Variants in ASF1B observed in about 807,000 individuals in gnomAD.
ASF1B encodes histone chaperone ASF1B.
Under a neutral mutation model 16.6 loss-of-function variants are expected in ASF1B, and 10 were observed. The observed-to-expected ratio is 0.60, with a 90% confidence interval of 0.37 to 1.02. The LOEUF is 1.02. Ranked by LOEUF, ASF1B falls within the 50% of genes least tolerant of loss-of-function variation. ASF1B has a pLI of 0.01. For synonymous variants in ASF1B, 101 were observed against 106.2 expected (o/e 0.95, Z 0.30); for missense variants, 240 against 266.0 (o/e 0.90, Z 0.68).
Position 14,120,381 on chromosome 19 carries a change from T to C in ASF1B, c.*78A>G. 1 of 1,461,716 alleles carries C rather than the reference T, an allele frequency of 6.8e-7. No homozygotes were observed. 90.5% of individuals were successfully genotyped at this position (1,461,716 alleles called of 1,614,324 possible). On this transcript the variant is annotated 3_prime_UTR_variant, in exon 4 of 4. Coordinates refer to ENST00000263382, the MANE Select transcript of ASF1B (RefSeq NM_018154.3). The stretch of plus-strand genomic sequence containing the variant: ...TTGCAGCTGATGGCCCCCAAAGTCC[T>C]CTAGATGGGCCCTGCAGGACTCGCT...
chr19:14,129,631 A>C (rs898132675), intron 1 of ASF1B, among the ~76,000 whole-genome samples: 1 of 127,904 alleles, frequency 7.8e-6, no homozygotes, highest in African/African-American at 2.9e-5. Context: ...CAGTGAGCCG[A>C]GATTTTGCCA....
chr19:14,135,700 G>A (rs1268675132), intron 1 of ASF1B, among the ~76,000 whole-genome samples: 1 of 152,148 alleles, frequency 6.6e-6, no homozygotes, highest in Non-Finnish European at 1.5e-5. Flanking sequence ...GGCAAGGAGA[G>A]AGGAGCTTGG....
chr19:14,133,873 G>A (rs570120132), intron 1 of ASF1B, among the ~76,000 whole-genome samples: 7 of 134,026 alleles, frequency 5.2e-5, no homozygotes, highest in African/African-American at 2.0e-4. Flanking sequence ...GCGCGATCTC[G>A]GCTCACTGCA....
chr19:14,133,432 C>T (rs1276271230), intron 1 of ASF1B, among the ~76,000 whole-genome samples: 2 of 152,110 alleles, frequency 1.3e-5, no homozygotes, highest in African/African-American at 4.8e-5. Context: ...CTTTGGGAGG[C>T]TGAGGCGGGC....
At chr19:14,129,678 C>CAAAAAAAAAAAA (rs549023648) in intron 1 of ASF1B, among the ~76,000 whole-genome samples, 3 of 34,622 alleles carry the variant, frequency 8.7e-5, no homozygotes, top group Non-Finnish European at 9.5e-5. Context: ...CAGCCTCCGT[C>CAAAAAAAAAAAA]AAAAAAAAAA....
intron 1 of ASF1B, among the ~76,000 whole-genome samples, chr19:14,126,918 T>C (rs1487944788): frequency 6.7e-6 from 1 of 150,076 alleles, no homozygotes; most frequent in African/African-American, 2.5e-5. Flanking sequence ...CATCTTCTAT[T>C]TTATTTTTAT....
Position 14,136,513 on chromosome 19 carries a change from C to A in ASF1B, c.-57G>T. 1 of 1,528,636 alleles carries A rather than the reference C, an allele frequency of 6.5e-7. No individual in the cohort carries two copies. 94.7% of individuals were successfully genotyped at this position (1,528,636 alleles called of 1,614,324 possible). A position where few individuals can be genotyped will look rare whatever the true frequency, so the allele number is the denominator to read the frequency against. ...GGGGCTGTGGCTGTGGCGGAGGCCG[C>A]GCCTGGGTCCGGTGGGGTCAGTGGG... On this transcript the variant is annotated 5_prime_UTR_variant, in exon 1 of 4. Transcript: ENST00000263382.
chr19:14,126,515 A>T (rs1015216215), intron 1 of ASF1B, among the ~76,000 whole-genome samples: 1 of 151,910 alleles, frequency 6.6e-6, no homozygotes, highest in Non-Finnish European at 1.5e-5. Flanking sequence ...CTTGTCACCC[A>T]GGTTGGAGTA....
chr19:14,121,296 T>TTTG, intron 3 of ASF1B: 1 of 403,842 alleles, frequency 2.5e-6, no homozygotes, highest in South Asian at 8.4e-5. Flanking sequence ...TTTTTTTTTT[T>TTTG]GCGGGGGTTA....
chr19:14,126,051 T>C, intron 2 of ASF1B, 71 bp downstream of exon 2: 1 of 1,254,898 alleles, frequency 8.0e-7, no homozygotes, highest in Non-Finnish European at 1.1e-6. Flanking sequence ...TGAAGCACTC[T>C]GTGGGATTTC....
At chr19:14,135,008 G>A (rs1165612221) in intron 1 of ASF1B, among the ~76,000 whole-genome samples, 1 of 151,986 alleles carries the variant, frequency 6.6e-6, no homozygotes, top group African/African-American at 2.4e-5. Flanking sequence ...TGGATCACTT[G>A]AGGTCAGGAG....
intron 1 of ASF1B, among the ~76,000 whole-genome samples, chr19:14,128,308 T>G (rs1444330671): frequency 1.3e-5 from 2 of 152,184 alleles, no homozygotes; most frequent in Non-Finnish European, 2.9e-5. Context: ...TGCCAGGTCA[T>G]GACTACAGAG....
At chr19:14,126,365 T>C in intron 1 of ASF1B, 128 bp from the exon 2 acceptor site, 3 of 649,006 alleles carry the variant, frequency 4.6e-6, no homozygotes, top group Non-Finnish European at 8.0e-6. Flanking sequence ...AATACAGTGA[T>C]GCGATCTCAG....
intron 1 of ASF1B, among the ~76,000 whole-genome samples, chr19:14,134,230 T>C (rs1318073346): frequency 6.6e-6 from 1 of 152,146 alleles, no homozygotes; most frequent in Non-Finnish European, 1.5e-5. Flanking sequence ...AATTAAATCT[T>C]ATTCCACAGC....
At position 14,136,457 on chromosome 19, in the gene ASF1B, C is replaced by A. The variant is rs756348906; in HGVS notation, c.-1G>T. ...CGTTCAGCACCGACACCTTGGCCAT[C>A]GCCTCGCCTCGCCGCGCCGCAGCAG... On this transcript the variant is annotated 5_prime_UTR_variant, in exon 1 of 4. Transcript: ENST00000263382. 7.4e-5 allele frequency: 119 copies of A among 1,611,460 alleles called. No homozygotes were observed. The highest frequency in any genetic ancestry group is 9.9e-5 in the Non-Finnish European group (117 of 1,178,460).
chr19:14,132,823 A>C (rs927238442), intron 1 of ASF1B, among the ~76,000 whole-genome samples: 1 of 150,290 alleles, frequency 6.7e-6, no homozygotes, highest in Non-Finnish European at 1.5e-5. Context: ...ATTTCTAATA[A>C]TAATCATCAT....
chr19:14,128,869 G>A (rs572541656), intron 1 of ASF1B, among the ~76,000 whole-genome samples: 2 of 152,284 alleles, frequency 1.3e-5, no homozygotes, highest in African/African-American at 4.8e-5. Flanking sequence ...TATCATTTTG[G>A]TGTATATCCT....
intron 3 of ASF1B, 23 bp downstream of exon 3, chr19:14,121,509 C>T: frequency 1.2e-6 from 2 of 1,607,648 alleles, no homozygotes; most frequent in Non-Finnish European, 1.7e-6. Flanking sequence ...TTGTGGGAAG[C>T]AGGAAGTGGA....
chr19:14,132,327 T>C (rs1224577710), intron 1 of ASF1B, among the ~76,000 whole-genome samples: 1 of 152,032 alleles, frequency 6.6e-6, no homozygotes, highest in Non-Finnish European at 1.5e-5. Flanking sequence ...CTCACACAGC[T>C]GGGTTGGGGG....
Sources: allele counts gnomAD v4.1 joint callset (sites outside exome capture counted in the v4.1 genomes callset), GRCh38; gene constraint gnomAD v4.1.1; transcripts MANE v1.5; gene names NCBI Gene and HGNC (gene_info 2026-07-23, HGNC 2026-07-21).